SNED1: variants seen among roughly 807,000 people sequenced by gnomAD.
SNED1 encodes the protein sushi, nidogen and EGF-like domain-containing protein 1.
In SNED1, 81 loss-of-function variants were observed where a neutral mutation model predicts 166.7. That is an observed-to-expected ratio of 0.49 (90% CI 0.41 to 0.58). SNED1 has a LOEUF of 0.58. SNED1 is among the 20% of genes least tolerant of loss of function. SNED1 has a pLI of 0.00. For synonymous variants in SNED1, 762 were observed against 822.0 expected, an observed-to-expected ratio of 0.93 and a Z score of 1.25; for missense variants, 1,604 against 2,000.2, an observed-to-expected ratio of 0.80 and a Z score of 3.78.
intron 1 of SNED1, among the ~76,000 whole-genome samples, chr2:241,005,584 A>G (rs2060200335): frequency 6.6e-6 from 1 of 152,142 alleles, no homozygotes; most frequent in East Asian, 1.9e-4. Context: ...CTGCTGGCAT[A>G]AATTATCACT....
chr2:241,048,274 A>G (rs1454522087), intron 8 of SNED1, 41 bp from the exon 9 acceptor site: 1 of 1,554,222 alleles, frequency 6.4e-7, no homozygotes, highest in Non-Finnish European at 8.7e-7. Flanking sequence ...CTCTCCCCAC[A>G]TTCCCTGCGT....
At chr2:241,058,294 C>G (rs767732709) in intron 16 of SNED1, among the ~76,000 whole-genome samples, 39 of 151,542 alleles carry the variant, frequency 2.6e-4, no homozygotes, top group South Asian at 8.4e-4. Flanking sequence ...ATATATAAAG[C>G]AAAAATTAAG....
intron 1 of SNED1, among the ~76,000 whole-genome samples, chr2:241,007,761 T>C (rs1428774776): frequency 6.6e-6 from 1 of 152,226 alleles, no homozygotes; most frequent in Non-Finnish European, 1.5e-5. Context: ...CCCTAACTTT[T>C]CTGTGAAAAC....
intron 1 of SNED1, among the ~76,000 whole-genome samples, chr2:241,027,410 A>G (rs1282826104): frequency 6.6e-6 from 1 of 152,214 alleles, no homozygotes; most frequent in African/African-American, 2.4e-5. Context: ...AGGCTAAATA[A>G]TATTCCATTG....
In SNED1 at chr2:240,999,545, G is replaced by A. The variant is rs1317879232; in HGVS notation, c.213+495G>A. Among the ~76,000 whole-genome samples the A allele has an allele frequency of 2.0e-5, 3 of 152,212 alleles. No homozygotes were observed. Among genetic ancestry groups the A allele is most frequent in the African/African-American group, 7.2e-5 (3 of 41,452 alleles). On this transcript the variant is annotated intron_variant, in intron 1 of 31. Coordinates refer to ENST00000310397, the MANE Select transcript of SNED1 (RefSeq NM_001080437.3). The surrounding 1 kb of genome is among the most constrained non-coding windows in gnomAD (Gnocchi z 5.8). ...CCAGGAGGCTGGACCCCTTGCCCAG[G>A]CGCTCAGGGCAGGGCCTGCTTCTTC...
chr2:241,003,191 C>T (rs2106532165), intron 1 of SNED1, among the ~76,000 whole-genome samples: 1 of 145,586 alleles, frequency 6.9e-6, no homozygotes, highest in East Asian at 2.3e-4. Flanking sequence ...TTGGTTCTGA[C>T]CTCAGCTGGG....
intron 27 of SNED1, among the ~76,000 whole-genome samples, chr2:241,077,532 C>T (rs193141390): frequency 6.6e-5 from 10 of 152,166 alleles, no homozygotes; most frequent in Admixed American, 4.6e-4. Flanking sequence ...CAGAGACCCG[C>T]GTCTAAAATA....
intron 1 of SNED1, among the ~76,000 whole-genome samples, chr2:241,027,417 A>G (rs976605322): frequency 6.6e-6 from 1 of 152,184 alleles, no homozygotes; most frequent in African/African-American, 2.4e-5. Context: ...ATAATATTCC[A>G]TTGTATGGAT....
intron 20 of SNED1, 109 bp from the exon 21 acceptor site, chr2:241,065,190 G>GA: frequency 8.7e-7 from 1 of 1,143,716 alleles, no homozygotes; most frequent in Non-Finnish European, 1.2e-6. Flanking sequence ...GCCAGCGATG[G>GA]CTGTGTCAGG....
In SNED1 at chr2:241,073,382, G is replaced by C; in HGVS notation, c.3916+18G>C. The C allele has an allele frequency of 6.4e-7, 1 of 1,550,950 alleles. No homozygotes were observed. Among genetic ancestry groups the C allele is most frequent in the South Asian group, 1.2e-5 (1 of 84,148 alleles). On this transcript the variant is annotated intron_variant, in intron 27 of 31. Coordinates refer to ENST00000310397, the MANE Select transcript of SNED1 (RefSeq NM_001080437.3). The surrounding 1 kb of genome is among the most constrained non-coding windows in gnomAD (Gnocchi z 6.6). ...CATCGGAAGTGAGTCAGCAGCGCTG[G>C]TGGGGACTTTGGGACTGACTGACTG...
chr2:241,031,148 T>G (rs2061155736), intron 2 of SNED1, among the ~76,000 whole-genome samples: 2 of 152,162 alleles, frequency 1.3e-5, no homozygotes, highest in South Asian at 4.1e-4. Context: ...TCAGAGCTGT[T>G]TGTTCATGCA....
At chr2:241,033,220 A>G (rs1195877533) in intron 2 of SNED1, among the ~76,000 whole-genome samples, 1 of 152,156 alleles carries the variant, frequency 6.6e-6, no homozygotes, top group Non-Finnish European at 1.5e-5. Context: ...TCCCAAGATC[A>G]TTTCTTAAAC....
chr2:241,030,087 C>T (rs1417817628), intron 1 of SNED1, among the ~76,000 whole-genome samples, 197 bp from the exon 2 acceptor site: 1 of 152,226 alleles, frequency 6.6e-6, no homozygotes, highest in Non-Finnish European at 1.5e-5. Context: ...GAGCACACAG[C>T]ATGACAGGAG....
rs1305091882 is a variant in SNED1 at position 241,073,331 on chromosome 2, C to G, written c.3883C>G (p.Gln1295Glu). ...EAPKRVSLAL[Q>E]LPEHGSKDIG... ...CCCCAAGCGGGTCAGCCTGGCCCTC[C>G]AGCTCCCTGAACACGGCAGCAAGGA... Residue 1295 changes from glutamine (Q) to glutamate (E), a missense_variant, in exon 27 of 32, where the codon CAG becomes GAG. By Grantham distance (29) the Gln-to-Glu change is conservative (BLOSUM62 2). Around this residue, in one of 2 missense-constraint regions of SNED1, gnomAD observed 367 missense variants for 379.4 expected, o/e 0.97. Coordinates refer to ENST00000310397, the MANE Select transcript of SNED1 (RefSeq NM_001080437.3). This position sits in a 1 kb window ranked among gnomAD's most constrained non-coding sequence, Gnocchi z 6.6. 6.4e-7 allele frequency: 1 copy of G among 1,574,172 alleles called. No homozygotes were observed. Among genetic ancestry groups the G allele is most frequent in the African/African-American group, 1.4e-5 (1 of 73,932 alleles).
Position 241,051,874 on chromosome 2 carries a change from G to A in SNED1, c.1852+14G>A, listed in dbSNP as rs142693279. On this transcript the variant is annotated intron_variant, in intron 13 of 31. Coordinates refer to ENST00000310397, the MANE Select transcript of SNED1 (RefSeq NM_001080437.3). This position sits in a 1 kb window ranked among gnomAD's most constrained non-coding sequence, Gnocchi z 4.7. The stretch of plus-strand genomic sequence containing the variant: ...ACTGTGAGATCGGTGCGGCCCCCAG[G>A]GGCAGGGGGGAGGGCAGGAACGACG... The A allele has an allele frequency of 4.9e-4, 748 of 1,527,470 alleles. 4 individuals carry two copies. In the African/African-American group the frequency reaches 9.3e-3, roughly 19 times the overall value. The allele number at this position is 1,527,470 out of a possible 1,614,324, so 94.6% of individuals were successfully genotyped here.
intron 26 of SNED1, chr2:241,072,540 C>T: frequency 3.1e-6 from 1 of 323,134 alleles, no homozygotes; most frequent in South Asian, 2.5e-5. Context: ...AGAGCCTAGT[C>T]ACCAGTTTAA....
At chr2:241,024,391 G>A (rs1208880219) in intron 1 of SNED1, among the ~76,000 whole-genome samples, 2 of 150,324 alleles carry the variant, frequency 1.3e-5, no homozygotes, top group African/African-American at 4.9e-5. Flanking sequence ...GACTACAGGT[G>A]CCCACCACTA....
rs1220716661 is a variant in SNED1 at position 241,081,759 on chromosome 2, C to A, written c.3999C>A (p.Cys1333Ter). Reference protein sequence around the residue: ...VPGADAHSCDCGPGFKGRRCE... With the variant: ...VPGADAHSCD ...GCGCAGACGCCCACAGCTGTGACTG[C>A]GGGCCAGGGTTCAAAGGCAGACGCT... Residue 1333 changes from cysteine (C) to a stop codon, truncating the protein, a stop_gained, in exon 28 of 32, where the codon TGC becomes TGA. Coordinates refer to ENST00000310397, the MANE Select transcript of SNED1 (RefSeq NM_001080437.3). LOFTEE classifies it high-confidence loss of function. The A allele has an allele frequency of 1.2e-6, 2 of 1,602,702 alleles. No individual in the cohort carries two copies. Among genetic ancestry groups the A allele is most frequent in the Non-Finnish European group, 8.5e-7 (1 of 1,174,616 alleles).
chr2:241,046,617 A>G (rs955783781), intron 8 of SNED1, among the ~76,000 whole-genome samples: 2 of 152,216 alleles, frequency 1.3e-5, no homozygotes, highest in Admixed American at 1.3e-4. Flanking sequence ...GTGATGAACA[A>G]ATCAGTAGTT....
Sources: allele counts gnomAD v4.1 joint callset (sites outside exome capture counted in the v4.1 genomes callset), GRCh38; gene constraint gnomAD v4.1.1; regional missense constraint gnomAD v4.1.1; non-coding constraint Gnocchi (gnomAD v3.1); transcripts MANE v1.5; gene names NCBI Gene and HGNC (gene_info 2026-07-23, HGNC 2026-07-21).